Variants in ADCY10 observed in about 807,000 individuals in gnomAD.
The protein encoded by ADCY10 is adenylate cyclase type 10.
In ADCY10, 156 loss-of-function variants were observed where a neutral mutation model predicts 183.3. The ratio of observed to expected loss-of-function variants is 0.85; its 90% confidence interval spans 0.75 to 0.97. ADCY10 has a LOEUF of 0.97. Among genes scored for constraint, ADCY10 ranks in the 50% least tolerant of loss-of-function variants. The pLI is 0.00. For synonymous variants in ADCY10, 645 were observed against 670.0 expected (o/e 0.96, Z 0.58); for missense variants, 1,745 against 1,934.3 (o/e 0.90, Z 1.84).
At chr1:167,846,330 A>AACTG in intron 19 of ADCY10, 67 bp from the exon 20 acceptor site, 2 of 1,585,994 alleles carry the variant, frequency 1.3e-6, no homozygotes, top group Non-Finnish European at 1.7e-6. Flanking sequence ...TGTATTTAAT[A>AACTG]TAGAGCAGGT....
chr1:167,850,857 T>C (rs140783733), intron 18 of ADCY10, among the ~76,000 whole-genome samples: 8 of 152,232 alleles, frequency 5.3e-5, no homozygotes, highest in African/African-American at 1.7e-4. Flanking sequence ...GGAATTTTCC[T>C]AGGATTGGGG....
intron 21 of ADCY10, 157 bp downstream of exon 21, chr1:167,845,406 C>T: frequency 1.4e-6 from 1 of 718,034 alleles, no homozygotes; most frequent in Non-Finnish European, 2.4e-6. Context: ...TTACTTTTCT[C>T]TTCCCCATTG....
chr1:167,886,873 A>G (rs1421503438), intron 8 of ADCY10, among the ~76,000 whole-genome samples: 3 of 152,248 alleles, frequency 2.0e-5, no homozygotes, highest in African/African-American at 7.2e-5. Context: ...ACCCCATCAA[A>G]AAGTGGGCAA....
chr1:167,913,172 T>A (rs372395055), intron 1 of ADCY10, among the ~76,000 whole-genome samples: 12 of 152,192 alleles, frequency 7.9e-5, no homozygotes, highest in African/African-American at 2.6e-4. Context: ...GAATGAGAAA[T>A]GAGGATACCT....
chr1:167,894,811 A>G (rs1347448227), intron 7 of ADCY10, among the ~76,000 whole-genome samples: 1 of 152,164 alleles, frequency 6.6e-6, no homozygotes, highest in Admixed American at 6.5e-5. Flanking sequence ...GGGATCCCAG[A>G]GCTTGCAGCT....
chr1:167,904,846 CCT>C (rs1334522335), intron 2 of ADCY10, 145 bp downstream of exon 2: 24 of 1,022,578 alleles, frequency 2.3e-5, no homozygotes, highest in Non-Finnish European at 3.6e-5. Flanking sequence ...CTATTTCCTC[CCT>C]CTTGTGTTCT....
chr1:167,893,903 C>T lies in ADCY10; in HGVS notation c.778G>A (p.Glu260Lys), dbSNP rs756692030. 5.0e-6 allele frequency: 8 copies of T among 1,613,514 alleles called. No homozygotes were observed. The highest frequency in any genetic ancestry group is 6.8e-6 in the Non-Finnish European group (8 of 1,179,720). ...RLACTLKPDPELEMSLQKYVM... is the reference protein window; with the variant it reads ...RLACTLKPDPKLEMSLQKYVM... ...TACTTTTGTAGGGACATCTCCAGTT[C>T]AGGATCAGGCTTCAGCGTGCATGCA... Residue 260 changes from glutamate to lysine, a missense_variant, in exon 8 of 33, where the codon GAA becomes AAA. Physicochemically the swap from Glu to Lys is moderately conservative, Grantham distance 56. Coordinates refer to ENST00000367851, the MANE Select transcript of ADCY10 (RefSeq NM_018417.6).
intron 8 of ADCY10, among the ~76,000 whole-genome samples, chr1:167,893,036 A>G (rs1668707939): frequency 6.6e-6 from 1 of 152,234 alleles, no homozygotes; most frequent in Non-Finnish European, 1.5e-5. Flanking sequence ...ATGGTGAGTG[A>G]TAAGAGATAG....
intron 2 of ADCY10, 93 bp from the exon 3 acceptor site, chr1:167,904,084 T>C (rs1267637664): frequency 8.8e-5 from 14 of 159,850 alleles, no homozygotes; most frequent in African/African-American, 4.8e-4. Context: ...GGCCTCAGCT[T>C]TTTTTTTTTT....
intron 8 of ADCY10, among the ~76,000 whole-genome samples, 156 bp downstream of exon 8, chr1:167,893,697 A>C (rs1424182495): frequency 2.9e-4 from 11 of 37,456 alleles, no homozygotes; most frequent in African/African-American, 1.8e-3. Flanking sequence ...CTCTGTCTCA[A>C]AAAAAAAAAA....
At chr1:167,843,789 T>C (rs1339755507) in intron 21 of ADCY10, among the ~76,000 whole-genome samples, 1 of 152,156 alleles carries the variant, frequency 6.6e-6, no homozygotes, top group Non-Finnish European at 1.5e-5. Flanking sequence ...CAGTGTTCTA[T>C]GTCCTCTGAT....
chr1:167,815,349 A>C (rs1309023908), intron 31 of ADCY10, among the ~76,000 whole-genome samples: 1 of 152,180 alleles, frequency 6.6e-6, no homozygotes, highest in Non-Finnish European at 1.5e-5. Flanking sequence ...CCTCAGGAGA[A>C]ACTATGTAAC....
At chr1:167,810,612 TCTA>T in intron 32 of ADCY10, 110 bp downstream of exon 32, 2 of 951,508 alleles carry the variant, frequency 2.1e-6, no homozygotes, top group Non-Finnish European at 3.3e-6. Context: ...AATGACCCAG[TCTA>T]AGATATTTTG....
intron 9 of ADCY10, among the ~76,000 whole-genome samples, chr1:167,881,475 A>G (rs1231177762): frequency 2.0e-5 from 3 of 152,224 alleles, no homozygotes; most frequent in South Asian, 2.1e-4. Flanking sequence ...ATCTGCCTTG[A>G]CATGAAGGGG....
At chr1:167,836,766 C>T (rs1664237898) in intron 22 of ADCY10, among the ~76,000 whole-genome samples, 1 of 152,160 alleles carries the variant, frequency 6.6e-6, no homozygotes, top group Non-Finnish European at 1.5e-5. Flanking sequence ...TGGCTCATGC[C>T]TGTAATCCCA....
intron 8 of ADCY10, among the ~76,000 whole-genome samples, chr1:167,891,935 T>G (rs1668624196): frequency 6.6e-6 from 1 of 151,994 alleles, no homozygotes; most frequent in African/African-American, 2.4e-5. Flanking sequence ...AAAAGAGATT[T>G]AATAATTTCT....
chr1:167,882,742 T>C (rs1196913754), intron 9 of ADCY10, among the ~76,000 whole-genome samples: 3 of 151,718 alleles, frequency 2.0e-5, no homozygotes, highest in African/African-American at 7.3e-5. Context: ...CCCAGCATAG[T>C]GAGCTCAGAC....
intron 13 of ADCY10, among the ~76,000 whole-genome samples, chr1:167,874,898 G>GT (rs1188235270): frequency 6.6e-6 from 1 of 152,148 alleles, no homozygotes; most frequent in Non-Finnish European, 1.5e-5. Flanking sequence ...GATTCCATCT[G>GT]TATCAATTTT....
intron 14 of ADCY10, among the ~76,000 whole-genome samples, chr1:167,865,635 A>C (rs1666622361): frequency 6.6e-6 from 1 of 152,248 alleles, no homozygotes; most frequent in African/African-American, 2.4e-5. Context: ...AAAACTAATA[A>C]AAATAGGTCC....
Sources: allele counts gnomAD v4.1 joint callset (sites outside exome capture counted in the v4.1 genomes callset), GRCh38; gene constraint gnomAD v4.1.1; transcripts MANE v1.5; gene names NCBI Gene and HGNC (gene_info 2026-07-23, HGNC 2026-07-21).